Variants in ABCC4 observed in about 807,000 individuals in gnomAD.
ABCC4 encodes ATP-binding cassette sub-family C member 4.
ABCC4 carries 102 observed loss-of-function variants against 168.5 expected under a neutral mutation model. That is an observed-to-expected ratio of 0.61 (90% CI 0.52 to 0.71). The LOEUF (loss-of-function observed/expected upper bound fraction) is 0.71, where lower values mean the gene tolerates loss of function less well. Among genes scored for constraint, ABCC4 ranks in the 30% least tolerant of loss-of-function variants. ABCC4 has a pLI of 0.00. For synonymous variants in ABCC4, 617 were observed against 590.7 expected (o/e 1.04, Z -0.65); for missense variants, 1,402 against 1,605.8 (o/e 0.87, Z 2.17).
chr13:95,292,076 G>C (rs2041417921), intron 1 of ABCC4, among the ~76,000 whole-genome samples: 1 of 151,982 alleles, frequency 6.6e-6, no homozygotes, highest in African/African-American at 2.4e-5. Flanking sequence ...ATAAACTCCT[G>C]TCCAGGCACC....
rs2037430581 is a variant in ABCC4 at position 95,170,524 on chromosome 13, C to T, written c.1824+8G>A. The T allele has an allele frequency of 1.9e-6, 3 of 1,595,564 alleles. No homozygotes were observed. The highest frequency in any genetic ancestry group is 2.6e-6 in the Non-Finnish European group (3 of 1,167,760). ...TGCAAGTTCGGGAGACCTCTAGAAA[C>T]TACTTACATCTTTCAATATCAGAAT... On this transcript the variant is annotated splice_region_variant and intron_variant, in intron 14 of 30. Coordinates refer to ENST00000645237, the MANE Select transcript of ABCC4 (RefSeq NM_005845.5).
chr13:95,266,856 C>T (rs2040691915), intron 1 of ABCC4, among the ~76,000 whole-genome samples: 1 of 144,526 alleles, frequency 6.9e-6, no homozygotes, highest in Non-Finnish European at 1.5e-5. Flanking sequence ...TGGAGTTTCG[C>T]TCTGTCTCCA....
intron 3 of ABCC4, among the ~76,000 whole-genome samples, chr13:95,235,058 A>ATT (rs4148458): frequency 6.9e-6 from 1 of 145,812 alleles, no homozygotes; most frequent in African/African-American, 2.5e-5. Context: ...GTAGAGCTAA[A>ATT]TTTTTTTTTT....
At chr13:95,160,571 A>G (rs1464353655) in intron 19 of ABCC4, among the ~76,000 whole-genome samples, 2 of 152,234 alleles carry the variant, frequency 1.3e-5, no homozygotes, top group Non-Finnish European at 2.9e-5. Flanking sequence ...TCTATTATAG[A>G]ACCAAAAGTC....
chr13:95,050,693 G>A (rs1034259654), intron 27 of ABCC4, among the ~76,000 whole-genome samples: 5 of 152,148 alleles, frequency 3.3e-5, no homozygotes, highest in African/African-American at 1.2e-4. Flanking sequence ...ACTTCTGAGG[G>A]GGACCTACCA....
chr13:95,201,054 C>T (rs1455163662), intron 8 of ABCC4, among the ~76,000 whole-genome samples: 1 of 152,172 alleles, frequency 6.6e-6, no homozygotes, highest in African/African-American at 2.4e-5. Context: ...TACTGCTGAA[C>T]TCTAGGCCCA....
intron 1 of ABCC4, among the ~76,000 whole-genome samples, chr13:95,290,413 G>A (rs1336431171): frequency 6.6e-6 from 1 of 152,066 alleles, no homozygotes; most frequent in Admixed American, 6.6e-5. Context: ...CTTGTGTTAA[G>A]AGGAATCATG....
chr13:95,137,193 A>C (rs1250676934), intron 19 of ABCC4, among the ~76,000 whole-genome samples: 1 of 152,204 alleles, frequency 6.6e-6, no homozygotes, highest in African/African-American at 2.4e-5. Context: ...CTTTCATAAC[A>C]CTTTCCAATG....
At chr13:95,102,924 T>A (rs538338015) in intron 20 of ABCC4, among the ~76,000 whole-genome samples, 3 of 143,038 alleles carry the variant, frequency 2.1e-5, no homozygotes, top group Admixed American at 6.9e-5. Context: ...CCTGGCCCAG[T>A]CACATCTAAT....
rs372677461 is a variant in ABCC4, at chr13:95,235,991, G to A, written c.307-1157C>T. On this transcript the variant is annotated intron_variant, in intron 3 of 30. Transcript: ENST00000645237. ...AATTAAAATCCCACACCAATGAGCT[G>A]GGAAGCATGCGGGCTTACCTTCTGA... Among the ~76,000 whole-genome samples, 136 of 152,256 alleles carry A rather than the reference G, an allele frequency of 8.9e-4. 1 individual carries two copies. The highest frequency in any genetic ancestry group is 6.8e-3 in the Middle Eastern group (2 of 294).
At chr13:95,127,724 T>C (rs1300201760) in intron 19 of ABCC4, among the ~76,000 whole-genome samples, 1 of 152,130 alleles carries the variant, frequency 6.6e-6, no homozygotes, top group Non-Finnish European at 1.5e-5. Context: ...TGTGGTGCCA[T>C]TCTCTAAGGA....
chr13:95,131,121 A>T (rs966884628), intron 19 of ABCC4, among the ~76,000 whole-genome samples: 2 of 152,226 alleles, frequency 1.3e-5, no homozygotes, highest in African/African-American at 4.8e-5. Flanking sequence ...AAATTAATTT[A>T]CTACTTGAAA....
At chr13:95,187,234 T>C (rs2038095405) in intron 10 of ABCC4, among the ~76,000 whole-genome samples, 1 of 152,212 alleles carries the variant, frequency 6.6e-6, no homozygotes, top group African/African-American at 2.4e-5. Flanking sequence ...AGTTCATATA[T>C]CCAATACTGA....
At chr13:95,273,686 C>T (rs529389788) in intron 1 of ABCC4, among the ~76,000 whole-genome samples, 1 of 151,978 alleles carries the variant, frequency 6.6e-6, no homozygotes. Context: ...TCTTGTAGCT[C>T]CCACAGTTCC....
At chr13:95,092,603 T>C (rs2034471558) in intron 20 of ABCC4, among the ~76,000 whole-genome samples, 1 of 152,072 alleles carries the variant, frequency 6.6e-6, no homozygotes, top group South Asian at 2.1e-4. Context: ...TTCATAGCCT[T>C]AAACACCTGC....
intron 19 of ABCC4, among the ~76,000 whole-genome samples, chr13:95,122,612 G>A (rs1027178662): frequency 6.6e-6 from 1 of 152,166 alleles, no homozygotes; most frequent in African/African-American, 2.4e-5. Context: ...GTGTGTCCCT[G>A]TTCCCATCAG....
rs2039318846 is a variant in ABCC4 at position 95,221,845 on chromosome 13, G to C, written c.532-11064C>G. On this transcript the variant is annotated intron_variant, in intron 4 of 30. Coordinates refer to ENST00000645237, the MANE Select transcript of ABCC4 (RefSeq NM_005845.5). ...GGCCATGATTTCAATATAAGTCCTG[G>C]GGAAAGGAATGCAGAGCCTCATGCG... Among the ~76,000 whole-genome samples, 3 of 151,958 alleles carry C rather than the reference G, an allele frequency of 2.0e-5. No individual in the cohort carries two copies. The South Asian group carries it at 6.3e-4, about 32-fold the overall frequency.
chr13:95,159,231 T>C lies in ABCC4; in HGVS notation c.2455+1958A>G, dbSNP rs1750994. Among the ~76,000 whole-genome samples, 691 of 150,340 alleles carry C rather than the reference T, an allele frequency of 4.6e-3. 7 individuals are homozygous for C. The highest frequency in any genetic ancestry group is 0.016 in the African/African-American group (669 of 41,204). On this transcript the variant is annotated intron_variant, in intron 19 of 30. Coordinates refer to ENST00000645237, the MANE Select transcript of ABCC4 (RefSeq NM_005845.5). ...TTGTAAAAAGTGCAAAAATTTTATC[T>C]AAATGAAAATTTTAATTCTACCATT...
intron 25 of ABCC4, among the ~76,000 whole-genome samples, chr13:95,071,350 G>A (rs569412005): frequency 7.9e-5 from 12 of 152,242 alleles, no homozygotes; most frequent in East Asian, 5.8e-4. Flanking sequence ...AGTAAAAATC[G>A]ACAGAATTAG....
Sources: allele counts gnomAD v4.1 joint callset (sites outside exome capture counted in the v4.1 genomes callset), GRCh38; gene constraint gnomAD v4.1.1; transcripts MANE v1.5; gene names NCBI Gene and HGNC (gene_info 2026-07-23, HGNC 2026-07-21).